CPLANE1: variants seen among roughly 807,000 people sequenced by gnomAD.
CPLANE1 encodes the protein ciliogenesis and planar polarity effector complex subunit 1.
A neutral mutation model predicts 362.5 loss-of-function variants in CPLANE1; 263 were observed. The ratio of observed to expected loss-of-function variants is 0.73; its 90% confidence interval spans 0.66 to 0.80. The LOEUF (loss-of-function observed/expected upper bound fraction) is 0.80. CPLANE1 is among the 30% of genes least tolerant of loss of function. The pLI, the probability that CPLANE1 is intolerant of heterozygous loss-of-function variation, is 0.00. For synonymous variants in CPLANE1, 1,212 were observed against 1,302.6 expected, an observed-to-expected ratio of 0.93 and a Z score of 1.50; for missense variants, 3,461 against 3,793.4, an observed-to-expected ratio of 0.91 and a Z score of 2.30.
intron 42 of CPLANE1, among the ~76,000 whole-genome samples, chr5:37,151,757 A>AG (rs1773619591): frequency 6.6e-6 from 1 of 152,178 alleles, no homozygotes; most frequent in Non-Finnish European, 1.5e-5. Flanking sequence ...GTTTAAAAAA[A>AG]CAGAAAGCAG....
intron 49 of CPLANE1, 50 bp downstream of exon 49, chr5:37,121,567 T>C (rs1459043633): frequency 6.4e-7 from 1 of 1,554,904 alleles, no homozygotes; most frequent in South Asian, 1.1e-5. Flanking sequence ...CATTTCTTCT[T>C]ATCAGGCCTG....
intron 15 of CPLANE1, among the ~76,000 whole-genome samples, chr5:37,217,606 CAAAT>C (rs10655258): frequency 0.022 from 3,208 of 147,916 alleles, 128 homozygotes; most frequent in African/African-American, 0.078. Context: ...GACACCATCT[CAAAT>C]AAATAAATAA....
In CPLANE1 at chr5:37,107,277, G is replaced by A; in HGVS notation, c.*325C>T. ...TCAAAACTCAGAGGGTAATAAAGGA[G>A]GAGGCAAGATAGAGGGTTTTTATTG... is the stretch of plus-strand genomic sequence containing the variant. On this transcript the variant is annotated 3_prime_UTR_variant, in exon 53 of 53. Transcript: ENST00000651892. The A allele has an allele frequency of 9.5e-7, 1 of 1,049,560 alleles. No homozygotes were observed. Among genetic ancestry groups the A allele is most frequent in the Non-Finnish European group, 1.1e-6 (1 of 872,612 alleles). 65.0% of individuals were successfully genotyped at this position (1,049,560 alleles called of 1,614,324 possible).
intron 15 of CPLANE1, among the ~76,000 whole-genome samples, chr5:37,215,456 G>C (rs1162284842): frequency 6.6e-6 from 1 of 152,056 alleles, no homozygotes; most frequent in African/African-American, 2.4e-5. Flanking sequence ...AACTATTTAT[G>C]TTACCAGTAA....
the CPLANE1 span, among the ~76,000 whole-genome samples, chr5:37,076,882 T>C: frequency 6.7e-6 from 1 of 149,768 alleles, no homozygotes; most frequent in East Asian, 1.9e-4. Context: ...CTAAAACATT[T>C]ACTGAAGAAG....
chr5:37,151,536 T>G (rs945247533), intron 42 of CPLANE1, among the ~76,000 whole-genome samples: 2 of 152,234 alleles, frequency 1.3e-5, no homozygotes, highest in Non-Finnish European at 2.9e-5. Context: ...CAATAAATGT[T>G]TGTTGAAGGA....
Position 37,122,456 on chromosome 5 carries a change from T to A in CPLANE1, c.8991A>T (p.Arg2997Ser). Residue 2997 changes from arginine to serine, a missense_variant, in exon 48 of 53, where the codon AGA (arginine) becomes AGT (serine). Arg to Ser is a moderately radical substitution (Grantham distance 110). Around this residue, in one of 2 missense-constraint regions of CPLANE1, gnomAD observed 3,380 missense variants for 3,666.1 expected, o/e 0.92. Coordinates refer to ENST00000651892, the MANE Select transcript of CPLANE1 (RefSeq NM_001384732.1). ...TGTCTTTTTCATGCTTCATCTTTTG[T>A]CTCAGCCTTATTTCCCTTGAAGTCA... ...LYMTSREIRL[R>S]QKMKHEKDRL... 6.2e-7 allele frequency: 1 copy of A among 1,613,266 alleles called. No individual in the cohort carries two copies. Among genetic ancestry groups the A allele is most frequent in the African/African-American group, 1.3e-5 (1 of 75,014 alleles).
Position 37,227,749 on chromosome 5 carries a change from A to T in CPLANE1, c.1190T>A (p.Met397Lys). The T allele has an allele frequency of 6.4e-7, 1 of 1,551,432 alleles. No individual in the cohort carries two copies. The highest frequency in any genetic ancestry group is 8.7e-7 in the Non-Finnish European group (1 of 1,146,782). ...TGCTTTTATAGAAAATCTCTGTCTCATAGGGTCACTATCAGAAGCTGATGA... is the reference window on the plus strand; with the variant it reads ...TGCTTTTATAGAAAATCTCTGTCTCTTAGGGTCACTATCAGAAGCTGATGA... ...VDSSASDSDP[M>K]RQRFSIKAHS... The change falls in exon 10 of 53, where the codon ATG becomes AAG. Residue 397 changes from methionine to lysine, a missense_variant. Met to Lys is a moderately conservative substitution (Grantham distance 95). This residue lies in a region of CPLANE1 where 3,380 missense variants were observed against 3,666.1 expected (regional missense o/e 0.92). Coordinates refer to ENST00000651892, the MANE Select transcript of CPLANE1 (RefSeq NM_001384732.1).
At chr5:37,219,590 A>G (rs892761310) in intron 15 of CPLANE1, among the ~76,000 whole-genome samples, 2 of 152,108 alleles carry the variant, frequency 1.3e-5, no homozygotes, top group Non-Finnish European at 2.9e-5. Flanking sequence ...CAGCTACCTC[A>G]TTTCCCAGCA....
chr5:37,171,506 G>A (rs1779774624), intron 32 of CPLANE1, among the ~76,000 whole-genome samples: 1 of 152,184 alleles, frequency 6.6e-6, no homozygotes, highest in African/African-American at 2.4e-5. Flanking sequence ...AGGCAGGAAA[G>A]GAGGGAAGGT....
intron 50 of CPLANE1, 83 bp downstream of exon 50, chr5:37,120,133 C>A: frequency 7.3e-7 from 1 of 1,366,214 alleles, no homozygotes; most frequent in South Asian, 1.3e-5. Context: ...AGACTTATAC[C>A]TTTTACTAAT....
chr5:37,238,491 T>TC (rs1799540775), intron 8 of CPLANE1, among the ~76,000 whole-genome samples: 1 of 124,454 alleles, frequency 8.0e-6, no homozygotes, highest in African/African-American at 3.0e-5. Context: ...CCTTTTCTTT[T>TC]TTTTTTTTTT....
chr5:37,112,678 C>T (rs1759700146), intron 51 of CPLANE1, among the ~76,000 whole-genome samples: 1 of 152,190 alleles, frequency 6.6e-6, no homozygotes, highest in Non-Finnish European at 1.5e-5. Context: ...GATGATAAAA[C>T]TAAACCTATT....
rs201028510 is a variant in CPLANE1, at chr5:37,224,813, A to AT, written c.2292-74dup. ...ATGAGTTTAGCCTCCTTTTTAGCCT[A>AT]TTTTTTTTTTTGCCTGTATTCTTCA... On this transcript the variant is annotated intron_variant, in intron 12 of 52. Transcript: ENST00000651892. The AT allele has an allele frequency of 0.031, 21,763 of 708,796 alleles. 21 individuals carry two copies. The highest frequency in any genetic ancestry group is 0.041 in the African/African-American group (2,148 of 52,904). 43.9% of individuals were successfully genotyped at this position (708,796 alleles called of 1,614,324 possible). A position where few individuals can be genotyped will look rare whatever the true frequency, so the allele number is the denominator to read the frequency against.
Position 37,177,613 on chromosome 5 carries a change from C to G in CPLANE1, c.5900+8G>C. ...TGACAATCACTGTCATACTTTTTTC[C>G]CCCTTACCCTTTTTGTTCAGTCGAT... is the stretch of plus-strand genomic sequence containing the variant. On this transcript the variant is annotated splice_region_variant and intron_variant, in intron 30 of 52. Coordinates refer to ENST00000651892, the MANE Select transcript of CPLANE1 (RefSeq NM_001384732.1). 1 of 1,604,700 alleles carries G rather than the reference C, an allele frequency of 6.2e-7. No homozygotes were observed. Among genetic ancestry groups the G allele is most frequent in the Non-Finnish European group, 8.5e-7 (1 of 1,174,320 alleles).
chr5:37,199,529 A>C (rs771445057), intron 19 of CPLANE1, among the ~76,000 whole-genome samples: 4 of 152,144 alleles, frequency 2.6e-5, no homozygotes, highest in Non-Finnish European at 5.9e-5. Context: ...TGTACTCAGA[A>C]CTCCCAAGAG....
intron 46 of CPLANE1, among the ~76,000 whole-genome samples, chr5:37,129,574 CA>C (rs2150204237): frequency 6.6e-6 from 1 of 151,882 alleles, no homozygotes; most frequent in South Asian, 2.1e-4. Flanking sequence ...TCCATCAAAA[CA>C]ATAGAGTTAA....
intron 42 of CPLANE1, among the ~76,000 whole-genome samples, chr5:37,151,620 C>G (rs1453588830): frequency 6.6e-6 from 1 of 152,194 alleles, no homozygotes; most frequent in Non-Finnish European, 1.5e-5. Context: ...AATCAAATAT[C>G]TGGCTGTAGA....
rs545640434 is a variant in CPLANE1 at position 37,242,931 on chromosome 5, C to G, written c.677+82G>C. 51 of 858,488 alleles carry G rather than the reference C, an allele frequency of 5.9e-5. No individual in the cohort carries two copies. The African/African-American group carries it at 6.2e-4, about 10-fold the overall frequency. The allele number at this position is 858,488 out of a possible 1,614,324, so 53.2% of individuals were successfully genotyped here. A position where few individuals can be genotyped will look rare whatever the true frequency, so the allele number is the denominator to read the frequency against. On this transcript the variant is annotated intron_variant, in intron 6 of 52. Coordinates refer to ENST00000651892, the MANE Select transcript of CPLANE1 (RefSeq NM_001384732.1). ...GAGCTATGATTGTGCCACTACCCCC[C>G]AGTCTGGGTGACACAGCAAGACCCT...
Sources: gnomAD v4.1 joint callset for allele counts (sites outside exome capture counted in the v4.1 genomes callset) on GRCh38, gnomAD v4.1.1 for gene constraint, gnomAD v4.1.1 regional missense constraint, MANE v1.5 for transcripts, NCBI Gene and HGNC (gene_info 2026-07-23, HGNC 2026-07-21) for gene names.